The following ENTREP2 variants were observed in gnomAD, a reference collection of about 807,000 sequenced individuals.
ENTREP2 encodes protein ENTREP2.
At chr15:29,488,574 G>C in the ENTREP2 span, among the ~76,000 whole-genome samples, 2 of 152,206 alleles carry the variant, frequency 1.3e-5, no homozygotes, top group African/African-American at 4.8e-5. Context: ...AGTTCAGTGA[G>C]TTTCAAGTGA....
chr15:29,289,666 C>A, the ENTREP2 span, among the ~76,000 whole-genome samples: 2 of 152,042 alleles, frequency 1.3e-5, no homozygotes, highest in South Asian at 4.2e-4. Context: ...ATCAACATGG[C>A]AAAACCCCAT....
At chr15:29,656,167 C>A in the ENTREP2 span, among the ~76,000 whole-genome samples, 1 of 150,194 alleles carries the variant, frequency 6.7e-6, no homozygotes, top group Non-Finnish European at 1.5e-5. Context: ...TTCATATAAA[C>A]AAAAATTGAG....
chr15:29,307,365 A>C, the ENTREP2 span, among the ~76,000 whole-genome samples: 1 of 152,194 alleles, frequency 6.6e-6, no homozygotes, highest in Non-Finnish European at 1.5e-5. Flanking sequence ...GCTTTCTATC[A>C]TAATCATCAC....
At chr15:29,405,474 G>A in the ENTREP2 span, among the ~76,000 whole-genome samples, 1 of 151,950 alleles carries the variant, frequency 6.6e-6, no homozygotes, top group Non-Finnish European at 1.5e-5. Flanking sequence ...ATCCCTTGGA[G>A]TAAGTCCCAC....
At chr15:29,134,721 A>G in the ENTREP2 span, among the ~76,000 whole-genome samples, 5 of 152,132 alleles carry the variant, frequency 3.3e-5, no homozygotes, top group Admixed American at 6.5e-5. Flanking sequence ...GCCAACATGG[A>G]AACTGCTCCT....
the ENTREP2 span, among the ~76,000 whole-genome samples, chr15:29,383,079 T>C: frequency 6.6e-6 from 1 of 152,064 alleles, no homozygotes; most frequent in Non-Finnish European, 1.5e-5. Context: ...AACCTCTTCC[T>C]GGTTTCCCAA....
At chr15:29,271,964 T>C in the ENTREP2 span, among the ~76,000 whole-genome samples, 3 of 152,180 alleles carry the variant, frequency 2.0e-5, no homozygotes, top group East Asian at 3.8e-4. Context: ...TTCAGTGCTC[T>C]TTCTTGCTAA....
the ENTREP2 span, among the ~76,000 whole-genome samples, chr15:29,307,830 T>A: frequency 6.6e-6 from 1 of 152,202 alleles, no homozygotes; most frequent in African/African-American, 2.4e-5. Flanking sequence ...AACCAGACCA[T>A]GCTGCCACTT....
At chr15:29,393,881 A>C in the ENTREP2 span, among the ~76,000 whole-genome samples, 1 of 152,114 alleles carries the variant, frequency 6.6e-6, no homozygotes, top group South Asian at 2.1e-4. Context: ...ATATTTCTCA[A>C]ATCACTTTAC....
chr15:29,477,399 A>G, the ENTREP2 span, among the ~76,000 whole-genome samples: 1 of 133,732 alleles, frequency 7.5e-6, no homozygotes, highest in East Asian at 2.2e-4. Flanking sequence ...CATGTATGTT[A>G]GACTTCAACA....
At chr15:29,435,143 T>C in the ENTREP2 span, among the ~76,000 whole-genome samples, 1 of 152,160 alleles carries the variant, frequency 6.6e-6, no homozygotes, top group Admixed American at 6.5e-5. Flanking sequence ...GACAAACGTG[T>C]TTGCTTCTTT....
chr15:29,259,327 A>G, the ENTREP2 span, among the ~76,000 whole-genome samples: 2 of 152,194 alleles, frequency 1.3e-5, no homozygotes, highest in Non-Finnish European at 2.9e-5. Flanking sequence ...ATTCTCAAAT[A>G]TTTCCTTCTT....
At chr15:29,136,246 G>C in the ENTREP2 span, 1 of 1,116,368 alleles carries the variant, frequency 9.0e-7, no homozygotes, top group Non-Finnish European at 1.2e-6. Context: ...GCGCTCATGA[G>C]TGTTCACCTC....
chr15:29,269,798 G>A, the ENTREP2 span: 9 of 1,226,032 alleles, frequency 7.3e-6, no homozygotes, highest in East Asian at 6.3e-5. Context: ...GGTGCCTGGA[G>A]GCGCGCGCAG....
the ENTREP2 span, among the ~76,000 whole-genome samples, chr15:29,319,488 C>T: frequency 1.3e-5 from 2 of 152,190 alleles, no homozygotes; most frequent in Non-Finnish European, 2.9e-5. Flanking sequence ...ACTAGGGAAG[C>T]GGAGATGCCC....
chr15:29,350,660 AG>A, the ENTREP2 span, among the ~76,000 whole-genome samples: 1 of 152,124 alleles, frequency 6.6e-6, no homozygotes, highest in Non-Finnish European at 1.5e-5. Flanking sequence ...TTCATAAGAG[AG>A]GGTGGGTATG....
At chr15:29,236,893 A>G in the ENTREP2 span, among the ~76,000 whole-genome samples, 10 of 152,052 alleles carry the variant, frequency 6.6e-5, 1 homozygote, top group East Asian at 5.8e-4. Context: ...AGAAGGAAGG[A>G]AGGAAGGAAA....
chr15:29,153,232 T>C, the ENTREP2 span, among the ~76,000 whole-genome samples: 1 of 152,160 alleles, frequency 6.6e-6, no homozygotes, highest in African/African-American at 2.4e-5. Flanking sequence ...TTGCAAATAT[T>C]TTCCCCCAGA....
chr15:29,200,431 CT>C, the ENTREP2 span, among the ~76,000 whole-genome samples: 1 of 152,116 alleles, frequency 6.6e-6, no homozygotes, highest in Non-Finnish European at 1.5e-5. Flanking sequence ...TCACCTCAGA[CT>C]TCCAAAGTGC....
Sources: gnomAD v4.1 joint callset for allele counts (sites outside exome capture counted in the v4.1 genomes callset) on GRCh38, gnomAD v4.1.1 for gene constraint, MANE v1.5 for transcripts, NCBI Gene and HGNC (gene_info 2026-07-23, HGNC 2026-07-21) for gene names.